The following FGF12 variants were observed in gnomAD, a reference collection of about 807,000 sequenced individuals.
The protein encoded by FGF12 is fibroblast growth factor 12B.
In FGF12, 14 loss-of-function variants were observed where a neutral mutation model predicts 23.6. The observed-to-expected ratio is 0.59, with a 90% CI of 0.39 to 0.93. The LOEUF is 0.93. Among genes scored for constraint, FGF12 ranks in the 40% least tolerant of loss-of-function variants. FGF12 has a pLI of 0.00. For synonymous variants in FGF12, 62 were observed against 77.3 expected, an observed-to-expected ratio of 0.80 and a Z score of 1.04; for missense variants, 175 against 217.8, an observed-to-expected ratio of 0.80 and a Z score of 1.24.
chr3:192,722,132 C>T (rs1377484860), intron 2 of FGF12, among the ~76,000 whole-genome samples: 1 of 151,974 alleles, frequency 6.6e-6, no homozygotes, highest in East Asian at 1.9e-4. Flanking sequence ...TGAACTGGAC[C>T]CCCTTTGATA....
chr3:192,390,325 G>A (rs1288729908), intron 2 of FGF12, among the ~76,000 whole-genome samples: 2 of 152,206 alleles, frequency 1.3e-5, no homozygotes, highest in African/African-American at 4.8e-5. Context: ...ATACAGCTAA[G>A]AGAGAGGATG....
intron 2 of FGF12, among the ~76,000 whole-genome samples, chr3:192,427,324 T>C (rs761358350): frequency 5.3e-5 from 8 of 150,468 alleles, no homozygotes; most frequent in South Asian, 2.1e-4. Flanking sequence ...GAGGTTGCAG[T>C]GAGCTGAGAC....
At chr3:192,274,879 T>C (rs935359843) in intron 4 of FGF12, among the ~76,000 whole-genome samples, 1 of 152,166 alleles carries the variant, frequency 6.6e-6, no homozygotes, top group Non-Finnish European at 1.5e-5. Context: ...ATGCCATCAG[T>C]ACAAAGTCCA....
chr3:192,345,335 A>G (rs1429473507), intron 3 of FGF12, among the ~76,000 whole-genome samples: 1 of 152,218 alleles, frequency 6.6e-6, no homozygotes, highest in African/African-American at 2.4e-5. Flanking sequence ...CTAGTGAAAA[A>G]GCTAAGCTGT....
At chr3:192,319,310 T>C (rs967859088) in intron 4 of FGF12, among the ~76,000 whole-genome samples, 1 of 152,064 alleles carries the variant, frequency 6.6e-6, no homozygotes, top group African/African-American at 2.4e-5. Context: ...AAATAATAAC[T>C]ACTGGGCTGG....
intron 5 of FGF12, among the ~76,000 whole-genome samples, chr3:192,145,777 T>C (rs114543981): frequency 1.3e-5 from 2 of 152,236 alleles, no homozygotes; most frequent in African/African-American, 4.8e-5. Flanking sequence ...AGAGAGTAGA[T>C]CATATAATTT....
intron 4 of FGF12, among the ~76,000 whole-genome samples, chr3:192,202,536 C>T (rs1353412961): frequency 6.6e-6 from 1 of 152,088 alleles, no homozygotes; most frequent in Non-Finnish European, 1.5e-5. Context: ...GAAGCAAATG[C>T]TAAGCTGGAA....
chr3:192,717,488 T>C (rs1010783513), intron 2 of FGF12, among the ~76,000 whole-genome samples: 2 of 152,178 alleles, frequency 1.3e-5, no homozygotes, highest in African/African-American at 4.8e-5. Flanking sequence ...TTGACATGAA[T>C]AAAGCATGAA....
intron 2 of FGF12, among the ~76,000 whole-genome samples, chr3:192,370,550 A>T (rs1719181645): frequency 7.3e-6 from 1 of 137,378 alleles, no homozygotes; most frequent in Non-Finnish European, 1.6e-5. Context: ...ATCTAAAAAA[A>T]AGTTGTAATA....
chr3:192,696,525 T>C (rs1473631019), intron 2 of FGF12, among the ~76,000 whole-genome samples: 8 of 152,066 alleles, frequency 5.3e-5, no homozygotes, highest in Admixed American at 5.2e-4. Context: ...GCAGGCATGC[T>C]ATGAAGGGAT....
In FGF12 at chr3:192,141,127, C is replaced by CAAA. The variant is rs1396299359; in HGVS notation, c.*2881_*2882insTTT. 1.7e-3 allele frequency: 38 copies of CAAA among 21,860 alleles called. 3 individuals carry two copies. The highest frequency in any genetic ancestry group is 2.1e-3 in the Admixed American group (3 of 1,406). The allele number at this position is 21,860 out of a possible 1,614,324, so 1.4% of individuals were successfully genotyped here. A position where few individuals can be genotyped will look rare whatever the true frequency, so the allele number is the denominator to read the frequency against. ...TCCTGGGAAAAATCCCAATGCAACT[C>CAAA]CAAAAAAAAAAAAAAAAAAAAAAAA... is the stretch of plus-strand genomic sequence containing the variant. On this transcript the variant is annotated 3_prime_UTR_variant, in exon 6 of 6. Coordinates refer to ENST00000445105, the MANE Select transcript of FGF12 (RefSeq NM_004113.6).
intron 4 of FGF12, among the ~76,000 whole-genome samples, chr3:192,187,134 T>G (rs1716514633): frequency 6.6e-6 from 1 of 152,180 alleles, no homozygotes; most frequent in African/African-American, 2.4e-5. Context: ...ATCTGACCAT[T>G]TTCCCTAATA....
chr3:192,717,024 A>T (rs1476545093), intron 2 of FGF12, among the ~76,000 whole-genome samples: 1 of 152,178 alleles, frequency 6.6e-6, no homozygotes, highest in Non-Finnish European at 1.5e-5. Context: ...TCTTGAACCC[A>T]CCTGATAACA....
At chr3:192,253,882 G>T (rs1712200229) in intron 4 of FGF12, among the ~76,000 whole-genome samples, 1 of 151,968 alleles carries the variant, frequency 6.6e-6, no homozygotes, top group African/African-American at 2.4e-5. Flanking sequence ...AACCACCACA[G>T]TATTTTAAAA....
At chr3:192,604,040 A>C (rs1015676685) in intron 2 of FGF12, among the ~76,000 whole-genome samples, 1 of 152,142 alleles carries the variant, frequency 6.6e-6, no homozygotes, top group Non-Finnish European at 1.5e-5. Flanking sequence ...CAGAGTATTA[A>C]TATCAATAGT....
intron 2 of FGF12, among the ~76,000 whole-genome samples, chr3:192,453,650 T>C (rs879260859): frequency 7.2e-5 from 11 of 152,194 alleles, no homozygotes; most frequent in Non-Finnish European, 1.5e-4. Flanking sequence ...ATTTGCATTT[T>C]TTTTGTCAGG....
chr3:192,305,922 A>G (rs545428368), intron 4 of FGF12, among the ~76,000 whole-genome samples: 3,699 of 124,344 alleles, frequency 0.03, 124 homozygotes, highest in South Asian at 0.18. Flanking sequence ...GTGCAGTGGC[A>G]TGATCTCAGC....
intron 2 of FGF12, among the ~76,000 whole-genome samples, chr3:192,547,546 A>G (rs1288686293): frequency 6.6e-6 from 1 of 152,180 alleles, no homozygotes; most frequent in Non-Finnish European, 1.5e-5. Flanking sequence ...TATCTTTACA[A>G]TGGTATATTG....
chr3:192,389,186 C>G (rs577232905), intron 2 of FGF12, among the ~76,000 whole-genome samples: 1 of 152,140 alleles, frequency 6.6e-6, no homozygotes, highest in African/African-American at 2.4e-5. Flanking sequence ...ATGGCGAAAC[C>G]CCATCTCTAC....
Sources: allele counts gnomAD v4.1 joint callset (sites outside exome capture counted in the v4.1 genomes callset), GRCh38; gene constraint gnomAD v4.1.1; transcripts MANE v1.5; gene names NCBI Gene and HGNC (gene_info 2026-07-23, HGNC 2026-07-21).